The following ABLIM2 variants were observed in gnomAD, a reference collection of about 807,000 sequenced individuals.
The protein encoded by ABLIM2 is actin binding LIM protein family member 2, also known as actin-binding LIM protein 2.
In ABLIM2, 53 loss-of-function variants were observed where a neutral mutation model predicts 97.7. The ratio of observed to expected loss-of-function variants is 0.54; its 90% CI spans 0.44 to 0.68. The LOEUF (loss-of-function observed/expected upper bound fraction) is 0.68, where lower values mean the gene tolerates loss of function less well. Among genes scored for constraint, ABLIM2 ranks in the 30% least tolerant of loss-of-function variants. The probability of loss-of-function intolerance (pLI) is 0.00; values close to 1 mark genes in which losing one functional copy is unlikely to be tolerated. For synonymous variants in ABLIM2, 361 were observed against 345.8 expected (o/e 1.04, Z -0.49); for missense variants, 835 against 867.2 (o/e 0.96, Z 0.47).
At chr4:8,152,278 C>A (rs913329876) in intron 1 of ABLIM2, among the ~76,000 whole-genome samples, 2 of 152,248 alleles carry the variant, frequency 1.3e-5, no homozygotes, top group African/African-American at 2.4e-5. Context: ...ACGCGTGTTG[C>A]GGCTGAGTCG....
chr4:8,131,147 C>G (rs1849297061), intron 1 of ABLIM2, among the ~76,000 whole-genome samples: 2 of 152,192 alleles, frequency 1.3e-5, no homozygotes, highest in South Asian at 4.1e-4. Flanking sequence ...TCTGTAAAGA[C>G]CCTTTTTCCA....
At chr4:8,131,130 A>T (rs559316694) in intron 1 of ABLIM2, among the ~76,000 whole-genome samples, 3 of 152,320 alleles carry the variant, frequency 2.0e-5, no homozygotes, top group African/African-American at 7.2e-5. Context: ...ATCCTGGTGT[A>T]AGCCCATCTG....
chr4:8,089,139 T>C lies in ABLIM2; in HGVS notation c.339-855A>G, dbSNP rs369161316. ...CCTTAAAGTCCGCCTCCGCAGCAAG[T>C]GCCTGGAGTGAGGCCAGGTGAGGGA... On this transcript the variant is annotated intron_variant, in intron 3 of 20. Transcript: ENST00000447017. Among the ~76,000 whole-genome samples the C allele has an allele frequency of 1.6e-4, 25 of 152,354 alleles. 1 individual carries two copies. The South Asian group carries it at 5.2e-3, about 32-fold the overall frequency.
At position 7,967,033 on chromosome 4, in the gene ABLIM2, A is replaced by T; in HGVS notation, c.1895T>A (p.Leu632His). 6.2e-7 allele frequency: 1 copy of T among 1,613,890 alleles called. No individual in the cohort carries two copies. Among genetic ancestry groups the T allele is most frequent in the Non-Finnish European group, 8.5e-7 (1 of 1,179,964 alleles). The part of the protein sequence containing the change: ...MSIEEFDRLA[L>H]WKRNDLKKKA... ...CTTCTTAAGGTCATTCCTCTTCCAG[A>T]GGGCCAGGCGGTCAAACTCCTCGAT... Residue 632 changes from leucine (L) to histidine (H), a missense_variant, in exon 21 of 21, where the codon CTC becomes CAC. Transcript: ENST00000447017.
In ABLIM2 at chr4:8,003,811, C is replaced by T. The variant is rs918060105; in HGVS notation, c.1618+4248G>A. ...AACTCCTGACCTCAGGTGATCTGCC[C>T]GCCTCGGCCTCCCAAAGTGCTGGGA... On this transcript the variant is annotated intron_variant, in intron 16 of 20. Coordinates refer to ENST00000447017, the MANE Select transcript of ABLIM2 (RefSeq NM_001130083.2). This position sits in a 1 kb window ranked among gnomAD's most constrained non-coding sequence, Gnocchi z 4.2. 6.6e-5 allele frequency among the ~76,000 whole-genome samples: 10 copies of T among 152,094 alleles called. No homozygotes were observed. The highest frequency in any genetic ancestry group is 2.1e-4 in the South Asian group (1 of 4,818).
intron 1 of ABLIM2, among the ~76,000 whole-genome samples, chr4:8,134,775 C>A (rs1016806761): frequency 6.6e-6 from 1 of 152,186 alleles, no homozygotes; most frequent in Non-Finnish European, 1.5e-5. Flanking sequence ...CCTTTTGGTA[C>A]AGGTACAAAT....
chr4:7,985,393 C>A (rs1743003431), intron 17 of ABLIM2, among the ~76,000 whole-genome samples: 1 of 152,130 alleles, frequency 6.6e-6, no homozygotes, highest in Non-Finnish European at 1.5e-5. Context: ...CAGGGTCCAC[C>A]CTGGGCCCTC....
intron 1 of ABLIM2, among the ~76,000 whole-genome samples, chr4:8,152,678 C>A (rs1028102386): frequency 2.0e-5 from 3 of 152,208 alleles, no homozygotes; most frequent in Non-Finnish European, 2.9e-5. Flanking sequence ...GTCCATCATG[C>A]GGGGATGACT....
At chr4:8,064,389 T>C (rs1425177915) in intron 6 of ABLIM2, among the ~76,000 whole-genome samples, 3 of 152,268 alleles carry the variant, frequency 2.0e-5, no homozygotes, top group Admixed American at 6.5e-5. Context: ...CAGGCCATCA[T>C]GGGAACAGGA....
At chr4:8,076,641 C>T (rs911703585) in intron 6 of ABLIM2, among the ~76,000 whole-genome samples, 1 of 151,762 alleles carries the variant, frequency 6.6e-6, no homozygotes, top group Non-Finnish European at 1.5e-5. Flanking sequence ...GGTCACCTGT[C>T]GCTTCCCCCA....
intron 1 of ABLIM2, among the ~76,000 whole-genome samples, chr4:8,138,129 A>C (rs780416755): frequency 6.6e-6 from 1 of 152,194 alleles, no homozygotes; most frequent in African/African-American, 2.4e-5. Context: ...CCACAGAGAC[A>C]GAAGGAATGG....
At chr4:8,101,286 G>C (rs1331175754) in intron 2 of ABLIM2, among the ~76,000 whole-genome samples, 1 of 152,232 alleles carries the variant, frequency 6.6e-6, no homozygotes, top group Non-Finnish European at 1.5e-5. Flanking sequence ...GACGTCATCT[G>C]AGATTCCTCC....
chr4:8,125,355 GTAATTTTACATGAA>G lies in ABLIM2; in HGVS notation c.11-18732_11-18719del, dbSNP rs1371576250. ...GATTTACGGGTTTTTTGGTTTTACT[GTAATTTTACATGAA>G]TAATTTTACACAAATAGAATTGCAT... is the stretch of plus-strand genomic sequence containing the variant. On this transcript the variant is annotated intron_variant, in intron 1 of 20. Coordinates refer to ENST00000447017, the MANE Select transcript of ABLIM2 (RefSeq NM_001130083.2). The surrounding 1 kb of genome is among the most constrained non-coding windows in gnomAD (Gnocchi z 6.2). Among the ~76,000 whole-genome samples the G allele has an allele frequency of 6.6e-6, 1 of 152,164 alleles. No individual in the cohort carries two copies. The highest frequency in any genetic ancestry group is 1.9e-4 in the East Asian group (1 of 5,200).
intron 1 of ABLIM2, among the ~76,000 whole-genome samples, chr4:8,133,987 G>GC (rs952815601): frequency 6.7e-6 from 1 of 149,000 alleles, no homozygotes; most frequent in East Asian, 1.9e-4. Context: ...GCAGGTTGCA[G>GC]GGGGGGGTGA....
At chr4:8,024,302 G>A (rs547734227) in intron 12 of ABLIM2, among the ~76,000 whole-genome samples, 2 of 152,126 alleles carry the variant, frequency 1.3e-5, no homozygotes, top group South Asian at 2.1e-4. Context: ...CAGGGGACAC[G>A]CCAAACTGAA....
rs1425232942 is a variant in ABLIM2, at chr4:8,043,209, G to T, written c.900+1955C>A. ...GGTCTTTGGACCTGCGTCCCTGAAG[G>T]CTCCTGTGTCACCTAAAACTTTGAT... On this transcript the variant is annotated intron_variant, in intron 9 of 20. Coordinates refer to ENST00000447017, the MANE Select transcript of ABLIM2 (RefSeq NM_001130083.2). The surrounding 1 kb of genome is among the most constrained non-coding windows in gnomAD (Gnocchi z 4.8). Among the ~76,000 whole-genome samples, 5 of 152,092 alleles carry T rather than the reference G, an allele frequency of 3.3e-5. No homozygotes were observed. Among genetic ancestry groups the T allele is most frequent in the Non-Finnish European group, 7.4e-5 (5 of 68,022 alleles).
chr4:8,064,846 T>C (rs6850368), intron 6 of ABLIM2, among the ~76,000 whole-genome samples: 1 of 152,136 alleles, frequency 6.6e-6, no homozygotes, highest in African/African-American at 2.4e-5. Context: ...TTTGTAAAAA[T>C]GTACCAAGAT....
At chr4:8,042,935 G>C (rs953122649) in intron 9 of ABLIM2, among the ~76,000 whole-genome samples, 10 of 151,676 alleles carry the variant, frequency 6.6e-5, no homozygotes, top group Admixed American at 2.0e-4. Flanking sequence ...TGGATTGCTT[G>C]AGGCCAGGAG....
intron 2 of ABLIM2, among the ~76,000 whole-genome samples, chr4:8,098,385 G>C (rs1291088085): frequency 6.6e-6 from 1 of 152,226 alleles, no homozygotes; most frequent in Admixed American, 6.5e-5. Context: ...TCTGCACATT[G>C]TGAATATGGG....
Sources: allele counts gnomAD v4.1 joint callset (sites outside exome capture counted in the v4.1 genomes callset), GRCh38; gene constraint gnomAD v4.1.1; non-coding constraint Gnocchi (gnomAD v3.1); transcripts MANE v1.5; gene names NCBI Gene and HGNC (gene_info 2026-07-23, HGNC 2026-07-21).